Variants in GABRG1 observed in about 807,000 individuals in gnomAD.
GABRG1 encodes the protein gamma-aminobutyric acid type A receptor subunit gamma1, also known as gamma-aminobutyric acid receptor subunit gamma-1.
Under a neutral mutation model 49.8 loss-of-function variants are expected in GABRG1, and 49 were observed. The ratio of observed to expected loss-of-function variants is 0.98; its 90% confidence interval spans 0.78 to 1.25. GABRG1 has a LOEUF of 1.25. GABRG1 is among the 50% of genes most tolerant of loss of function. The pLI is 0.00. For missense variants in GABRG1, 552 were observed against 552.3 expected (o/e 1.00, Z 0.01); for synonymous variants, 232 against 185.1 (o/e 1.25, Z -2.06).
intron 7 of GABRG1, 74 bp from the exon 8 acceptor site, chr4:46,051,712 A>G (rs1405645320): frequency 2.2e-6 from 2 of 904,800 alleles, no homozygotes; most frequent in Non-Finnish European, 1.7e-6. Context: ...ATTTGGCAAT[A>G]TTGTGAGTGA....
chr4:46,063,640 A>G (rs1309260850), intron 5 of GABRG1, among the ~76,000 whole-genome samples: 2 of 152,174 alleles, frequency 1.3e-5, no homozygotes, highest in African/African-American at 4.8e-5. Flanking sequence ...CATGTCTAAA[A>G]CACCAAAAGC....
chr4:46,093,814 A>T (rs986783739), intron 2 of GABRG1, among the ~76,000 whole-genome samples: 1 of 151,978 alleles, frequency 6.6e-6, no homozygotes, highest in Non-Finnish European at 1.5e-5. Flanking sequence ...CAGTTTCAAT[A>T]TGTATAAAGC....
At chr4:46,101,729 T>A (rs916362343) in intron 1 of GABRG1, among the ~76,000 whole-genome samples, 4 of 151,728 alleles carry the variant, frequency 2.6e-5, no homozygotes, top group Non-Finnish European at 4.4e-5. Context: ...ATTATATAAC[T>A]TTTTTAACAA....
intron 3 of GABRG1, among the ~76,000 whole-genome samples, chr4:46,073,962 G>A (rs954292219): frequency 1.3e-5 from 2 of 152,050 alleles, no homozygotes; most frequent in African/African-American, 4.8e-5. Flanking sequence ...GATAAGGAGG[G>A]ACTATTGTAT....
At chr4:46,090,391 CT>C (rs993679617) in intron 2 of GABRG1, among the ~76,000 whole-genome samples, 1 of 151,942 alleles carries the variant, frequency 6.6e-6, no homozygotes, top group Non-Finnish European at 1.5e-5. Flanking sequence ...TACACATGGA[CT>C]AAAAAAGACT....
chr4:46,077,620 G>C (rs576170835), intron 3 of GABRG1, among the ~76,000 whole-genome samples: 9 of 151,928 alleles, frequency 5.9e-5, no homozygotes, highest in Admixed American at 2.0e-4. Flanking sequence ...TTCACACACA[G>C]AATTTTTTTT....
intron 1 of GABRG1, among the ~76,000 whole-genome samples, chr4:46,116,738 T>C (rs1720899717): frequency 1.3e-5 from 2 of 150,820 alleles, no homozygotes; most frequent in South Asian, 2.1e-4. Flanking sequence ...CATGACAATC[T>C]GATGATTTTG....
rs1239065342 is a variant in GABRG1, at chr4:46,037,355, A to G, written c.*3633T>C. ...GGAAAGTCCTTGATAAAGTTTGGTA[A>G]TGGTTTTTGTAACTGTATAGAAGCC... On this transcript the variant is annotated 3_prime_UTR_variant, in exon 9 of 9. Transcript: ENST00000295452. 1 of 151,852 alleles carries G rather than the reference A, an allele frequency of 6.6e-6. No homozygotes were observed. Among genetic ancestry groups the G allele is most frequent in the African/African-American group, 2.4e-5 (1 of 41,428 alleles). 9.4% of individuals were successfully genotyped at this position (151,852 alleles called of 1,614,324 possible).
Position 46,038,682 on chromosome 4 carries a change from C to A in GABRG1, c.*2306G>T, listed in dbSNP as rs1409040759. On this transcript the variant is annotated 3_prime_UTR_variant, in exon 9 of 9. Coordinates refer to ENST00000295452, the MANE Select transcript of GABRG1 (RefSeq NM_173536.4). ...AGAAAGAAGTCTAAATGTAGTTTTA[C>A]CTTTTTATTCTTATTTTTAGAAATA... 3.3e-5 allele frequency: 5 copies of A among 151,474 alleles called. No homozygotes were observed. The highest frequency in any genetic ancestry group is 1.2e-4 in the African/African-American group (5 of 41,372). The allele number at this position is 151,474 out of a possible 1,614,324, so 9.4% of individuals were successfully genotyped here. A position where few individuals can be genotyped will look rare whatever the true frequency, so the allele number is the denominator to read the frequency against.
intron 3 of GABRG1, among the ~76,000 whole-genome samples, chr4:46,069,009 G>A (rs1719021205): frequency 1.3e-5 from 2 of 152,048 alleles, no homozygotes; most frequent in African/African-American, 4.8e-5. Flanking sequence ...TGTGAAGTGA[G>A]CCATTTTGAT....
intron 3 of GABRG1, among the ~76,000 whole-genome samples, chr4:46,081,404 A>T (rs1719562785): frequency 6.6e-6 from 1 of 151,882 alleles, no homozygotes; most frequent in African/African-American, 2.4e-5. Flanking sequence ...GATGTCACTT[A>T]TGGCATGGCT....
chr4:46,118,132 GTATA>G (rs1553884495), intron 1 of GABRG1, among the ~76,000 whole-genome samples: 4 of 109,984 alleles, frequency 3.6e-5, no homozygotes, highest in African/African-American at 2.2e-4. Flanking sequence ...GTGTGTGTGT[GTATA>G]TATATATATA....
At chr4:46,045,490 A>C (rs1348563612) in intron 8 of GABRG1, among the ~76,000 whole-genome samples, 4 of 151,998 alleles carry the variant, frequency 2.6e-5, no homozygotes, top group Admixed American at 6.6e-5. Flanking sequence ...CAAAAATAAA[A>C]CATAAGAATA....
At chr4:46,111,100 C>T (rs1720698099) in intron 1 of GABRG1, among the ~76,000 whole-genome samples, 2 of 150,942 alleles carry the variant, frequency 1.3e-5, no homozygotes, top group African/African-American at 2.4e-5. Flanking sequence ...AGGAAAATCC[C>T]AAAGAACTCC....
intron 2 of GABRG1, among the ~76,000 whole-genome samples, chr4:46,085,524 T>G (rs532996933): frequency 5.2e-4 from 79 of 151,684 alleles, no homozygotes; most frequent in African/African-American, 1.9e-3. Context: ...CTTTTTGAGT[T>G]ATTCTGTTCA....
chr4:46,073,738 A>G (rs943966853), intron 3 of GABRG1, among the ~76,000 whole-genome samples: 4 of 152,090 alleles, frequency 2.6e-5, no homozygotes, highest in Non-Finnish European at 4.4e-5. Flanking sequence ...CCTATACATA[A>G]GTACCTATGA....
chr4:46,061,122 G>C (rs1328436465), intron 5 of GABRG1, among the ~76,000 whole-genome samples: 1 of 152,084 alleles, frequency 6.6e-6, no homozygotes, highest in Non-Finnish European at 1.5e-5. Context: ...CAAAATTTAA[G>C]AATGGCTTCT....
At chr4:46,062,756 T>G (rs1231995078) in intron 5 of GABRG1, among the ~76,000 whole-genome samples, 2 of 152,170 alleles carry the variant, frequency 1.3e-5, no homozygotes, top group African/African-American at 2.4e-5. Context: ...CATCATTGTA[T>G]ATCTAGAAAA....
chr4:46,102,787 T>TACATAACAA (rs1720424151), intron 1 of GABRG1, among the ~76,000 whole-genome samples: 1 of 151,706 alleles, frequency 6.6e-6, no homozygotes, highest in Admixed American at 6.6e-5. Context: ...ATTACTCTTC[T>TACATAACAA]ACATAACAAA....
Sources: allele counts gnomAD v4.1 joint callset (sites outside exome capture counted in the v4.1 genomes callset), GRCh38; gene constraint gnomAD v4.1.1; transcripts MANE v1.5; gene names NCBI Gene and HGNC (gene_info 2026-07-23, HGNC 2026-07-21).